The following CTNNA3 variants were observed in gnomAD, a reference collection of about 807,000 sequenced individuals.
CTNNA3 encodes the protein catenin alpha-3.
Under a neutral mutation model 95.7 loss-of-function variants are expected in CTNNA3, and 76 were observed. That is an observed-to-expected ratio of 0.79 (90% CI 0.66 to 0.96). CTNNA3 has a LOEUF of 0.96. Ranked by LOEUF, CTNNA3 falls within the 40% of genes least tolerant of loss-of-function variation. CTNNA3 has a pLI of 0.00. For synonymous variants in CTNNA3, 431 were observed against 374.4 expected (o/e 1.15, Z -1.74); for missense variants, 1,191 against 1,089.8 (o/e 1.09, Z -1.31).
At chr10:66,294,377 G>C (rs1382420759) in intron 12 of CTNNA3, among the ~76,000 whole-genome samples, 1 of 152,102 alleles carries the variant, frequency 6.6e-6, no homozygotes, top group Non-Finnish European at 1.5e-5. Flanking sequence ...AAAATAGTGT[G>C]AGTTCCCACA....
At chr10:67,248,411 TTTTTG>T (rs1207846239) in intron 5 of CTNNA3, among the ~76,000 whole-genome samples, 1 of 152,100 alleles carries the variant, frequency 6.6e-6, no homozygotes, top group African/African-American at 2.4e-5. Flanking sequence ...TTTGTTTTTG[TTTTTG>T]TTTTGTTTGT....
Position 66,743,742 on chromosome 10 carries a change from C to T in CTNNA3, c.1281+22522G>A, listed in dbSNP as rs143916445. Among the ~76,000 whole-genome samples the T allele has an allele frequency of 7.2e-3, 1,097 of 152,018 alleles. 11 individuals are homozygous for T. The highest frequency in any genetic ancestry group is 0.019 in the African/African-American group (783 of 41,490). On this transcript the variant is annotated intron_variant, in intron 9 of 17. Transcript: ENST00000433211. ...ACTGTAATCCCAGCACTTTGGAAGG[C>T]CAAGGCGGGTGGATCACTAGGTCAA...
At chr10:67,533,465 A>G (rs1840397430) in intron 4 of CTNNA3, among the ~76,000 whole-genome samples, 1 of 152,246 alleles carries the variant, frequency 6.6e-6, no homozygotes, top group African/African-American at 2.4e-5. Context: ...AAAAATTTAT[A>G]AACAATGGTG....
chr10:66,173,678 A>G (rs2085554525), intron 13 of CTNNA3, among the ~76,000 whole-genome samples: 1 of 152,136 alleles, frequency 6.6e-6, no homozygotes, highest in African/African-American at 2.4e-5. Flanking sequence ...CAGAGACCCT[A>G]TCTCAAAAAA....
chr10:67,111,550 G>A (rs1564898378), intron 7 of CTNNA3, among the ~76,000 whole-genome samples: 1 of 151,988 alleles, frequency 6.6e-6, no homozygotes, highest in African/African-American at 2.4e-5. Flanking sequence ...GGTATTCTAT[G>A]AAAGGTCCAA....
At chr10:66,303,147 C>T (rs1263994060) in intron 12 of CTNNA3, among the ~76,000 whole-genome samples, 1 of 152,012 alleles carries the variant, frequency 6.6e-6, no homozygotes, top group African/African-American at 2.4e-5. Flanking sequence ...AGGATAATAG[C>T]AACAAGGATA....
At chr10:66,720,707 A>T (rs915458021) in intron 9 of CTNNA3, among the ~76,000 whole-genome samples, 1 of 152,046 alleles carries the variant, frequency 6.6e-6, no homozygotes, top group Admixed American at 6.6e-5. Flanking sequence ...GATGGTGGGC[A>T]CCTGTAATCT....
chr10:67,607,990 T>A (rs1269610051), intron 2 of CTNNA3, among the ~76,000 whole-genome samples: 4 of 152,186 alleles, frequency 2.6e-5, no homozygotes, highest in Admixed American at 6.5e-5. Context: ...AATGTAAGGT[T>A]CAGTAAATGT....
chr10:66,877,264 A>G (rs1397151076), intron 7 of CTNNA3, among the ~76,000 whole-genome samples: 3 of 152,178 alleles, frequency 2.0e-5, no homozygotes. Flanking sequence ...GCCAAGCCCC[A>G]AAACGTAATG....
chr10:66,137,857 G>A (rs964236700), intron 13 of CTNNA3, among the ~76,000 whole-genome samples: 30 of 152,180 alleles, frequency 2.0e-4, no homozygotes, highest in Admixed American at 1.4e-3. Context: ...GGCTAATGTC[G>A]GGGGATGGCT....
At chr10:66,290,558 T>C (rs1394621318) in intron 12 of CTNNA3, among the ~76,000 whole-genome samples, 2 of 152,128 alleles carry the variant, frequency 1.3e-5, no homozygotes, top group African/African-American at 2.4e-5. Flanking sequence ...GGTTATTAAA[T>C]AATAAAATGA....
chr10:67,264,345 T>G (rs945725033), intron 5 of CTNNA3, among the ~76,000 whole-genome samples: 4 of 152,162 alleles, frequency 2.6e-5, no homozygotes, highest in African/African-American at 9.7e-5. Flanking sequence ...ACTATTAAAT[T>G]TTTTCAAAGT....
chr10:67,154,087 A>G (rs1309678856), intron 7 of CTNNA3, among the ~76,000 whole-genome samples: 1 of 152,142 alleles, frequency 6.6e-6, no homozygotes, highest in Non-Finnish European at 1.5e-5. Flanking sequence ...TCCAATGTAT[A>G]AGTATTTTAA....
At chr10:66,214,294 T>C (rs191484149) in intron 13 of CTNNA3, among the ~76,000 whole-genome samples, 7 of 152,254 alleles carry the variant, frequency 4.6e-5, no homozygotes, top group Admixed American at 2.0e-4. Context: ...AAAATATTTG[T>C]GTAACTGCAA....
intron 10 of CTNNA3, among the ~76,000 whole-genome samples, chr10:66,597,342 CTGGGACACATTATAATCATATTATTCAG>C (rs1283567100): frequency 1.3e-5 from 2 of 151,106 alleles, no homozygotes; most frequent in Non-Finnish European, 3.0e-5. Flanking sequence ...AAAGCCTTCA[CTGGGACACATTATAATCATATTATTCAG>C]TGGGACACAT....
At chr10:66,814,459 C>G (rs772158216) in intron 7 of CTNNA3, among the ~76,000 whole-genome samples, 1 of 151,994 alleles carries the variant, frequency 6.6e-6, no homozygotes. Context: ...TGCAAAAAGA[C>G]GGGCTGGGTG....
At chr10:67,186,258 T>C (rs886644930) in intron 6 of CTNNA3, among the ~76,000 whole-genome samples, 1 of 152,184 alleles carries the variant, frequency 6.6e-6, no homozygotes, top group Non-Finnish European at 1.5e-5. Context: ...AAAACTGCCG[T>C]GATTTTTGGC....
chr10:66,572,381 TAA>T (rs5785764), intron 10 of CTNNA3, among the ~76,000 whole-genome samples: 248 of 146,028 alleles, frequency 1.7e-3, no homozygotes, highest in Non-Finnish European at 1.8e-3. Context: ...GACTCTGTCT[TAA>T]AAAAAAAAAA....
At chr10:67,093,724 G>A (rs1857804170) in intron 7 of CTNNA3, among the ~76,000 whole-genome samples, 1 of 151,860 alleles carries the variant, frequency 6.6e-6, no homozygotes. Flanking sequence ...CTCTGCATCA[G>A]GTATTTACCC....
Sources: allele counts gnomAD v4.1 joint callset (sites outside exome capture counted in the v4.1 genomes callset), GRCh38; gene constraint gnomAD v4.1.1; transcripts MANE v1.5; gene names NCBI Gene and HGNC (gene_info 2026-07-23, HGNC 2026-07-21).